SRGAP1: variants seen among roughly 807,000 people sequenced by gnomAD.
SRGAP1 encodes SLIT-ROBO Rho GTPase-activating protein 1.
Under a neutral mutation model 121.9 loss-of-function variants are expected in SRGAP1, and 43 were observed. The observed-to-expected ratio is 0.35, with a 90% CI of 0.28 to 0.46. SRGAP1 has a LOEUF of 0.46. Ranked by LOEUF, SRGAP1 falls within the 20% of genes least tolerant of loss-of-function variation. SRGAP1 has a pLI of 1.00. For missense variants in SRGAP1, 1,102 were observed against 1,350.9 expected (o/e 0.82, Z 2.89); for synonymous variants, 447 against 485.4 (o/e 0.92, Z 1.04).
chr12:64,079,825 A>G (rs574611373), intron 9 of SRGAP1, among the ~76,000 whole-genome samples: 7 of 152,296 alleles, frequency 4.6e-5, no homozygotes, highest in Middle Eastern at 3.4e-3. Flanking sequence ...TAGGCTCCCA[A>G]GGGTTGGCTG....
intron 3 of SRGAP1, among the ~76,000 whole-genome samples, chr12:64,001,997 G>T (rs1324592908): frequency 6.6e-6 from 1 of 152,126 alleles, no homozygotes; most frequent in African/African-American, 2.4e-5. Flanking sequence ...AGGTAGTTTG[G>T]GGAAGAAGAC....
intron 2 of SRGAP1, among the ~76,000 whole-genome samples, chr12:63,988,985 A>G (rs1458930234): frequency 1.3e-5 from 2 of 151,744 alleles, no homozygotes; most frequent in African/African-American, 4.8e-5. Context: ...TGATTTTTGT[A>G]TTTTTACTAG....
intron 1 of SRGAP1, among the ~76,000 whole-genome samples, chr12:63,867,406 A>G (rs1899673468): frequency 2.0e-5 from 3 of 152,246 alleles, no homozygotes; most frequent in Admixed American, 2.0e-4. Flanking sequence ...TTCAAATGGA[A>G]TAGTGGTGGC....
At chr12:63,931,870 G>C (rs1263694535) in intron 1 of SRGAP1, among the ~76,000 whole-genome samples, 1 of 152,136 alleles carries the variant, frequency 6.6e-6, no homozygotes, top group Non-Finnish European at 1.5e-5. Flanking sequence ...ATGAGGGCTG[G>C]AAAGTAGCCT....
intron 1 of SRGAP1, among the ~76,000 whole-genome samples, chr12:63,903,874 C>T (rs2030062229): frequency 6.6e-6 from 1 of 152,168 alleles, no homozygotes; most frequent in South Asian, 2.1e-4. Context: ...ACCTCGTGAT[C>T]TGCCCGCCTC....
At chr12:64,011,982 C>G (rs942757050) in intron 3 of SRGAP1, among the ~76,000 whole-genome samples, 48 of 151,854 alleles carry the variant, frequency 3.2e-4, no homozygotes, top group South Asian at 1.0e-3. Context: ...TGCCTGTAGT[C>G]CCAGCTACTC....
At chr12:63,878,128 T>C (rs1715331729) in intron 1 of SRGAP1, among the ~76,000 whole-genome samples, 1 of 152,250 alleles carries the variant, frequency 6.6e-6, no homozygotes, top group African/African-American at 2.4e-5. Context: ...ATCAGATTCT[T>C]GATCCTAATG....
rs1409180884 is a variant in SRGAP1, at chr12:64,000,256, G to GTGTGTA, written c.426+10189_426+10190insATGTGT. Among the ~76,000 whole-genome samples, 327 of 149,194 alleles carry GTGTGTA rather than the reference G, an allele frequency of 2.2e-3. 2 individuals carry two copies. Among genetic ancestry groups the GTGTGTA allele is most frequent in the African/African-American group, 7.9e-3 (319 of 40,304 alleles). On this transcript the variant is annotated intron_variant, in intron 3 of 21. Transcript: ENST00000355086. ...AAGGTAGGGGTGTGTGTGTGTGTGT[G>GTGTGTA]TGTGTGTGTGTGTGTGTGTAAAAAA...
At chr12:63,852,137 C>T (rs1438023819) in intron 1 of SRGAP1, among the ~76,000 whole-genome samples, 6 of 151,982 alleles carry the variant, frequency 3.9e-5, no homozygotes, top group South Asian at 2.1e-4. Context: ...GGACTATAGG[C>T]GCCTGCCATC....
intron 21 of SRGAP1, among the ~76,000 whole-genome samples, chr12:64,134,961 T>C (rs974839479): frequency 2.0e-5 from 3 of 152,110 alleles, no homozygotes; most frequent in Admixed American, 6.5e-5. Context: ...AACAGAAGTG[T>C]TGGAGGTGGC....
At chr12:63,909,580 T>A (rs1304538246) in intron 1 of SRGAP1, among the ~76,000 whole-genome samples, 1 of 152,258 alleles carries the variant, frequency 6.6e-6, no homozygotes, top group Non-Finnish European at 1.5e-5. Context: ...TGTGTTCCTG[T>A]CGTCTTTTTT....
At chr12:63,871,676 C>A in intron 1 of SRGAP1, 1 of 672,818 alleles carries the variant, frequency 1.5e-6, no homozygotes. Flanking sequence ...TATTTTCCTA[C>A]AGGTAATTTT....
At chr12:63,928,811 G>T (rs1468164621) in intron 1 of SRGAP1, among the ~76,000 whole-genome samples, 2 of 152,208 alleles carry the variant, frequency 1.3e-5, no homozygotes. Context: ...GATGAGGACA[G>T]ATCATCAGGC....
intron 1 of SRGAP1, among the ~76,000 whole-genome samples, chr12:63,939,166 C>CA (rs2031771472): frequency 6.7e-6 from 1 of 150,022 alleles, no homozygotes. Context: ...GTCTAGAAAA[C>CA]AAAAAATTCT....
intron 6 of SRGAP1, among the ~76,000 whole-genome samples, chr12:64,049,603 ATT>A: frequency 6.6e-6 from 1 of 152,184 alleles, no homozygotes. Context: ...GGGAACTACA[ATT>A]CAAGATGAGA....
intron 1 of SRGAP1, among the ~76,000 whole-genome samples, chr12:63,919,902 C>T (rs2030973921): frequency 6.6e-6 from 1 of 152,062 alleles, no homozygotes; most frequent in Admixed American, 6.6e-5. Context: ...ATTCATTGCC[C>T]TGTTGGTGGA....
intron 3 of SRGAP1, among the ~76,000 whole-genome samples, chr12:64,012,448 T>C (rs970916964): frequency 6.6e-6 from 1 of 152,064 alleles, no homozygotes; most frequent in Admixed American, 6.5e-5. Flanking sequence ...AGAAGAAACA[T>C]TGATTGCTTT....
chr12:63,846,973 A>G (rs989960337), intron 1 of SRGAP1, among the ~76,000 whole-genome samples: 4 of 152,242 alleles, frequency 2.6e-5, no homozygotes, highest in Non-Finnish European at 4.4e-5. Flanking sequence ...TAGTAAGGAC[A>G]GCATGGGAGA....
rs1359525756 is a variant in SRGAP1 at position 64,152,913 on chromosome 12, A to T, written c.*10241A>T. ...GGAGTGTACTTCCTGGTATGATTTA[A>T]AAAAAAAAAAAAAAAAAAAAAAACC... On this transcript the variant is annotated 3_prime_UTR_variant, in exon 22 of 22. Coordinates refer to ENST00000355086, the MANE Select transcript of SRGAP1 (RefSeq NM_020762.4). The T allele has an allele frequency of 5.4e-5, 4 of 74,350 alleles. No homozygotes were observed. Among genetic ancestry groups the T allele is most frequent in the South Asian group, 5.3e-4 (1 of 1,872 alleles). 4.6% of individuals were successfully genotyped at this position (74,350 alleles called of 1,614,324 possible). A position where few individuals can be genotyped will look rare whatever the true frequency, so the allele number is the denominator to read the frequency against.
Sources: gnomAD v4.1 joint callset for allele counts (sites outside exome capture counted in the v4.1 genomes callset) on GRCh38, gnomAD v4.1.1 for gene constraint, MANE v1.5 for transcripts, NCBI Gene and HGNC (gene_info 2026-07-23, HGNC 2026-07-21) for gene names.